Variants in B3GALT1 observed in about 807,000 individuals in gnomAD.
B3GALT1 encodes UDP-Gal:betaGlcNAc beta 1,3-galactosyltransferase, polypeptide 1.
Under a neutral mutation model 23.2 loss-of-function variants are expected in B3GALT1, and 10 were observed. That is an observed-to-expected ratio of 0.43 (90% confidence interval 0.27 to 0.73). B3GALT1 has a LOEUF of 0.73. B3GALT1 is among the 30% of genes least tolerant of loss of function. The pLI, the probability that B3GALT1 is intolerant of heterozygous loss-of-function variation, is 0.21. For missense variants in B3GALT1, 299 were observed against 405.4 expected (o/e 0.74, Z 2.25); for synonymous variants, 156 against 141.5 (o/e 1.10, Z -0.73).
intron 2 of B3GALT1, among the ~76,000 whole-genome samples, chr2:167,642,118 T>C (rs1685662626): frequency 6.6e-6 from 1 of 152,214 alleles, no homozygotes; most frequent in African/African-American, 2.4e-5. Context: ...TTTGGTTGTG[T>C]GATGGCTGAT....
chr2:167,354,408 G>C (rs1421881263), intron 1 of B3GALT1, among the ~76,000 whole-genome samples: 1 of 149,182 alleles, frequency 6.7e-6, no homozygotes, highest in Non-Finnish European at 1.5e-5. Context: ...ATGCAGTGGT[G>C]CGATCTCGGC....
At chr2:167,580,866 AG>A (rs1342382491) in intron 2 of B3GALT1, among the ~76,000 whole-genome samples, 2 of 152,074 alleles carry the variant, frequency 1.3e-5, no homozygotes, top group Non-Finnish European at 2.9e-5. Flanking sequence ...CTGAGGGAGG[AG>A]GCTTCAAGGG....
intron 3 of B3GALT1, among the ~76,000 whole-genome samples, chr2:167,710,928 T>C (rs779650804): frequency 1.3e-5 from 2 of 152,212 alleles, no homozygotes; most frequent in Non-Finnish European, 2.9e-5. Context: ...ATCTTTCAAG[T>C]GGATCAGATT....
intron 1 of B3GALT1, among the ~76,000 whole-genome samples, chr2:167,379,250 A>G (rs1697807673): frequency 6.6e-6 from 1 of 152,090 alleles, no homozygotes; most frequent in Admixed American, 6.5e-5. Flanking sequence ...TATCATGAGA[A>G]CAGCATGGGG....
At chr2:167,651,022 T>G (rs1446347543) in intron 3 of B3GALT1, among the ~76,000 whole-genome samples, 2 of 152,094 alleles carry the variant, frequency 1.3e-5, no homozygotes, top group Non-Finnish European at 2.9e-5. Flanking sequence ...GATGTTAGAT[T>G]TGACCTTTCA....
At chr2:167,622,870 A>C (rs1316115285) in intron 2 of B3GALT1, among the ~76,000 whole-genome samples, 1 of 152,120 alleles carries the variant, frequency 6.6e-6, no homozygotes, top group African/African-American at 2.4e-5. Context: ...AAAACGAAGT[A>C]ATGCATCACC....
chr2:167,359,677 A>G (rs998806063), intron 1 of B3GALT1, among the ~76,000 whole-genome samples: 21 of 152,186 alleles, frequency 1.4e-4, no homozygotes, highest in Non-Finnish European at 2.9e-4. Flanking sequence ...TGTCCATTCA[A>G]GAATGCCATC....
intron 2 of B3GALT1, among the ~76,000 whole-genome samples, chr2:167,548,710 G>GTA (rs1305878632): frequency 1.5e-3 from 226 of 151,816 alleles, no homozygotes; most frequent in Non-Finnish European, 2.6e-3. Context: ...GTGTGTGTGT[G>GTA]TGTGTGTATG....
intron 3 of B3GALT1, among the ~76,000 whole-genome samples, chr2:167,812,069 C>T (rs1688900078): frequency 6.6e-6 from 1 of 152,120 alleles, no homozygotes; most frequent in Non-Finnish European, 1.5e-5. Flanking sequence ...AACAAAATGC[C>T]TATAGAAAAA....
chr2:167,729,372 A>T (rs1237305615), intron 3 of B3GALT1, among the ~76,000 whole-genome samples: 4 of 152,242 alleles, frequency 2.6e-5, no homozygotes, highest in Non-Finnish European at 5.9e-5. Flanking sequence ...AAGGGCAAGT[A>T]CAAATAGTTA....
chr2:167,770,480 G>A (rs1337596877), intron 3 of B3GALT1, among the ~76,000 whole-genome samples: 1 of 152,072 alleles, frequency 6.6e-6, no homozygotes, highest in Non-Finnish European at 1.5e-5. Context: ...GTTGTTTATT[G>A]TTCAGATTTG....
intron 3 of B3GALT1, among the ~76,000 whole-genome samples, chr2:167,787,985 G>T (rs564206096): frequency 6.7e-4 from 102 of 152,266 alleles, no homozygotes; most frequent in African/African-American, 2.4e-3. Flanking sequence ...CCCCATTCAG[G>T]TTGGACCTTG....
At chr2:167,492,887 G>GTGTA (rs1050429488) in intron 2 of B3GALT1, among the ~76,000 whole-genome samples, 1 of 151,874 alleles carries the variant, frequency 6.6e-6, no homozygotes, top group Non-Finnish European at 1.5e-5. Flanking sequence ...ATGTGTGTGT[G>GTGTA]TGTGTGTGTG....
chr2:167,384,718 G>A (rs895609962), intron 1 of B3GALT1, among the ~76,000 whole-genome samples: 27 of 151,968 alleles, frequency 1.8e-4, no homozygotes, highest in Non-Finnish European at 2.5e-4. Context: ...TTGCCATAGC[G>A]TTTGCTCAGT....
intron 1 of B3GALT1, among the ~76,000 whole-genome samples, chr2:167,449,023 G>A (rs1029607192): frequency 6.6e-6 from 1 of 152,050 alleles, no homozygotes; most frequent in African/African-American, 2.4e-5. Flanking sequence ...TTTAAAGTTG[G>A]GTAATGTGAT....
At chr2:167,503,536 G>A (rs562396195) in intron 2 of B3GALT1, among the ~76,000 whole-genome samples, 4 of 152,154 alleles carry the variant, frequency 2.6e-5, no homozygotes, top group Admixed American at 6.5e-5. Context: ...AAATGTGATC[G>A]CCAACCTACA....
rs578210734 is a variant in B3GALT1 at position 167,429,436 on chromosome 2, GAAAC to G, written c.-510-60735_-510-60732del. On this transcript the variant is annotated intron_variant, in intron 1 of 4. Coordinates refer to ENST00000392690, the MANE Select transcript of B3GALT1 (RefSeq NM_020981.4). ...AGTTTCCTAGTGAAGAATCCAGATG[GAAAC>G]AAACATTTTAAACACTCTAATGTCC... Among the ~76,000 whole-genome samples the G allele has an allele frequency of 4.7e-3, 720 of 152,152 alleles. 6 individuals are homozygous for G. The highest frequency in any genetic ancestry group is 0.016 in the African/African-American group (669 of 41,512).
At chr2:167,368,945 G>T (rs1697634470) in intron 1 of B3GALT1, among the ~76,000 whole-genome samples, 1 of 151,982 alleles carries the variant, frequency 6.6e-6, no homozygotes, top group African/African-American at 2.4e-5. Context: ...ATAATAGCCA[G>T]ATTAAAGTAA....
At chr2:167,488,973 CAA>C (rs5836143) in intron 1 of B3GALT1, among the ~76,000 whole-genome samples, 65,390 of 150,164 alleles carry the variant, frequency 0.44, 15,570 homozygotes, top group East Asian at 0.86. Flanking sequence ...TATGATATTA[CAA>C]AAAAAAAAAA....
Sources: allele counts gnomAD v4.1 joint callset (sites outside exome capture counted in the v4.1 genomes callset), GRCh38; gene constraint gnomAD v4.1.1; transcripts MANE v1.5; gene names NCBI Gene and HGNC (gene_info 2026-07-23, HGNC 2026-07-21).